GALNT13: variants seen among roughly 807,000 people sequenced by gnomAD.
GALNT13 encodes polypeptide N-acetylgalactosaminyltransferase 13, also known as UDP-GalNAc:polypeptide N-acetylgalactosaminyltransferase 13.
In GALNT13, 28 loss-of-function variants were observed where a neutral mutation model predicts 64.2. The observed-to-expected ratio is 0.44, with a 90% CI of 0.32 to 0.60. GALNT13 has a LOEUF of 0.60. GALNT13 is among the 20% of genes least tolerant of loss of function. GALNT13 has a pLI of 0.05. For missense variants in GALNT13, 577 were observed against 669.8 expected, an observed-to-expected ratio of 0.86 and a Z score of 1.53; for synonymous variants, 214 against 224.6, an observed-to-expected ratio of 0.95 and a Z score of 0.42.
At chr2:153,344,766 A>G in the GALNT13 span, among the ~76,000 whole-genome samples, 11 of 152,336 alleles carry the variant, frequency 7.2e-5, no homozygotes, top group Middle Eastern at 3.4e-3. Context: ...TACACAAAAC[A>G]TGGTAACAGT....
chr2:154,048,090 A>C (rs1006488394), intron 3 of GALNT13, among the ~76,000 whole-genome samples: 1 of 152,226 alleles, frequency 6.6e-6, no homozygotes, highest in African/African-American at 2.4e-5. Context: ...AGTTTTAACC[A>C]TGGCAGAAGG....
chr2:153,307,353 A>T, the GALNT13 span, among the ~76,000 whole-genome samples: 4 of 152,168 alleles, frequency 2.6e-5, no homozygotes, highest in African/African-American at 9.7e-5. Flanking sequence ...CATTACAATT[A>T]TGCACACAGA....
chr2:153,401,273 G>A, the GALNT13 span, among the ~76,000 whole-genome samples: 15 of 151,898 alleles, frequency 9.9e-5, no homozygotes, highest in African/African-American at 1.2e-4. Flanking sequence ...TAGTTTGATT[G>A]CACTGTGGTC....
At chr2:153,538,326 C>CTTTTTTTTTTTTTTTTTTTTTTTTTATTT in the GALNT13 span, among the ~76,000 whole-genome samples, 3 of 100,818 alleles carry the variant, frequency 3.0e-5, no homozygotes, top group Non-Finnish European at 6.5e-5. Context: ...TTTTTTAATT[C>CTTTTTTTTTTTTTTTTTTTTTTTTTATTT]TTTTTTTTTT....
At chr2:153,189,251 G>C in the GALNT13 span, among the ~76,000 whole-genome samples, 4 of 152,012 alleles carry the variant, frequency 2.6e-5, no homozygotes, top group Non-Finnish European at 4.4e-5. Context: ...CCAGCATCTG[G>C]TAACTATCAT....
chr2:153,779,942 CAT>C, the GALNT13 span, among the ~76,000 whole-genome samples: 146 of 152,056 alleles, frequency 9.6e-4, no homozygotes, highest in African/African-American at 3.0e-3. Flanking sequence ...TCTAGTTTAA[CAT>C]GTGTGGTGAA....
At chr2:154,343,222 G>T (rs1695872660) in intron 9 of GALNT13, among the ~76,000 whole-genome samples, 1 of 152,002 alleles carries the variant, frequency 6.6e-6, no homozygotes, top group Non-Finnish European at 1.5e-5. Flanking sequence ...CTGAGATTTA[G>T]ATTTGAAAAC....
chr2:153,977,465 G>A (rs942021629), intron 3 of GALNT13, among the ~76,000 whole-genome samples: 1 of 152,080 alleles, frequency 6.6e-6, no homozygotes, highest in Non-Finnish European at 1.5e-5. Flanking sequence ...AAAGGGGGAA[G>A]CCCCTTATAA....
the GALNT13 span, among the ~76,000 whole-genome samples, chr2:153,635,600 C>T: frequency 3.3e-5 from 5 of 151,792 alleles, no homozygotes; most frequent in Non-Finnish European, 7.4e-5. Flanking sequence ...AAGTTTATAG[C>T]CTAGGATGAA....
chr2:154,320,807 G>C (rs1694581890), intron 9 of GALNT13, among the ~76,000 whole-genome samples: 2 of 152,118 alleles, frequency 1.3e-5, no homozygotes, highest in Admixed American at 1.3e-4. Context: ...TTGACAGCCA[G>C]ATCTTTCTCT....
the GALNT13 span, among the ~76,000 whole-genome samples, chr2:153,494,530 G>A: frequency 2.0e-5 from 3 of 151,992 alleles, no homozygotes; most frequent in African/African-American, 7.2e-5. Context: ...TCTTTTAGAT[G>A]TTGCTAGGAT....
chr2:154,357,172 A>G (rs764049095), intron 9 of GALNT13, among the ~76,000 whole-genome samples: 19 of 152,038 alleles, frequency 1.2e-4, no homozygotes, highest in Admixed American at 2.0e-4. Context: ...TCTACACATT[A>G]AAGACATAGA....
chr2:154,440,721 G>C (rs1346839715), intron 12 of GALNT13, among the ~76,000 whole-genome samples: 1 of 152,002 alleles, frequency 6.6e-6, no homozygotes, highest in South Asian at 2.1e-4. Flanking sequence ...AAATTAACTA[G>C]TGATGTTTAC....
intron 9 of GALNT13, among the ~76,000 whole-genome samples, chr2:154,371,388 C>T (rs1697676402): frequency 6.6e-6 from 1 of 151,938 alleles, no homozygotes. Flanking sequence ...CTATTATAGA[C>T]AAATGTTTCT....
chr2:153,156,253 T>C, the GALNT13 span, among the ~76,000 whole-genome samples: 18,233 of 152,264 alleles, frequency 0.12, 1,469 homozygotes, highest in Non-Finnish European at 0.17. Context: ...TAAGGTTCAG[T>C]TGATGCGGCC....
chr2:153,739,623 T>TA, the GALNT13 span, among the ~76,000 whole-genome samples: 7 of 69,354 alleles, frequency 1.0e-4, no homozygotes, highest in South Asian at 6.0e-4. Context: ...GAGATTTTAT[T>TA]TATTATTTTA....
intron 1 of GALNT13, among the ~76,000 whole-genome samples, chr2:153,878,038 A>T (rs1427271745): frequency 1.3e-5 from 2 of 152,158 alleles, no homozygotes; most frequent in Non-Finnish European, 2.9e-5. Context: ...CAATAATCTA[A>T]TAGTTCTCAG....
At chr2:154,428,452 ACC>A (rs1469003800) in intron 11 of GALNT13, among the ~76,000 whole-genome samples, 1 of 152,230 alleles carries the variant, frequency 6.6e-6, no homozygotes, top group Non-Finnish European at 1.5e-5. Context: ...ATAGAGCTGC[ACC>A]AAATATACAT....
At chr2:153,149,131 T>C in the GALNT13 span, among the ~76,000 whole-genome samples, 1 of 151,888 alleles carries the variant, frequency 6.6e-6, no homozygotes, top group Admixed American at 6.6e-5. Flanking sequence ...ATAGTATTTA[T>C]AATAAGTTAG....
Sources: allele counts gnomAD v4.1 joint callset (sites outside exome capture counted in the v4.1 genomes callset), GRCh38; gene constraint gnomAD v4.1.1; transcripts MANE v1.5; gene names NCBI Gene and HGNC (gene_info 2026-07-23, HGNC 2026-07-21).